SLC25A16: variants seen among roughly 807,000 people sequenced by gnomAD.
SLC25A16 encodes the protein mitochondrial coenzyme A transporter SLC25A16.
A neutral mutation model predicts 41.5 loss-of-function variants in SLC25A16; 39 were observed. The observed-to-expected ratio is 0.94, with a 90% CI of 0.73 to 1.23. The LOEUF is 1.23. SLC25A16 is among the 50% of genes most tolerant of loss of function. The probability of loss-of-function intolerance (pLI) is 0.00; values close to 1 mark genes in which losing one functional copy is unlikely to be tolerated. For synonymous variants in SLC25A16, 146 were observed against 147.8 expected, an observed-to-expected ratio of 0.99 and a Z score of 0.09; for missense variants, 421 against 426.9, an observed-to-expected ratio of 0.99 and a Z score of 0.12.
chr10:68,517,238 G>T (rs1373231750), intron 1 of SLC25A16: 4 of 988,948 alleles, frequency 4.0e-6, no homozygotes, highest in Admixed American at 6.1e-5. Context: ...CGATTGCCAG[G>T]TTCTGTTTGA....
chr10:68,518,815 TAAA>T (rs1564929146), intron 1 of SLC25A16, among the ~76,000 whole-genome samples: 14 of 148,752 alleles, frequency 9.4e-5, no homozygotes, highest in African/African-American at 3.0e-4. Context: ...ATAAATTAAA[TAAA>T]TAAATAAATA....
intron 6 of SLC25A16, 44 bp from the exon 7 acceptor site, chr10:68,488,673 T>C (rs2052605904): frequency 6.7e-7 from 1 of 1,491,900 alleles, no homozygotes; most frequent in Non-Finnish European, 9.2e-7. Context: ...TAACATAACA[T>C]GAGCTGTGAA....
At chr10:68,526,490 C>T (rs1000973503) in intron 1 of SLC25A16, among the ~76,000 whole-genome samples, 1 of 152,082 alleles carries the variant, frequency 6.6e-6, no homozygotes, top group Non-Finnish European at 1.5e-5. Flanking sequence ...CAGAGGCTGG[C>T]GGGATCCTCC....
intron 2 of SLC25A16, among the ~76,000 whole-genome samples, chr10:68,508,543 C>T (rs1474951800): frequency 2.0e-5 from 3 of 151,728 alleles, no homozygotes; most frequent in Non-Finnish European, 2.9e-5. Flanking sequence ...GAGAAACTCC[C>T]GTCTCTACTA....
At chr10:68,485,682 C>CT (rs1220298763) in intron 8 of SLC25A16, among the ~76,000 whole-genome samples, 3 of 151,682 alleles carry the variant, frequency 2.0e-5, no homozygotes, top group Non-Finnish European at 2.9e-5. Flanking sequence ...TGCGACAGGC[C>CT]TTTTTTGTTT....
chr10:68,505,248 C>A (rs949906327), intron 3 of SLC25A16, among the ~76,000 whole-genome samples: 1 of 151,978 alleles, frequency 6.6e-6, no homozygotes, highest in Non-Finnish European at 1.5e-5. Flanking sequence ...ACTCAGGAGG[C>A]TGAAGTGGGA....
chr10:68,506,792 AAAGATTAATGTGCC>A, intron 2 of SLC25A16, 74 bp from the exon 3 acceptor site: 1 of 854,400 alleles, frequency 1.2e-6, no homozygotes, highest in Non-Finnish European at 1.7e-6. Flanking sequence ...AATCACAGAT[AAAGATTAATGTGCC>A]ATCACTCAAG....
intron 4 of SLC25A16, among the ~76,000 whole-genome samples, chr10:68,494,636 G>A (rs2052719362): frequency 6.7e-6 from 1 of 149,502 alleles, no homozygotes; most frequent in South Asian, 2.2e-4. Context: ...CAACACTTTG[G>A]GAGGCTGAGG....
At chr10:68,495,781 C>CAAAAAAAAAAA (rs60845242) in intron 4 of SLC25A16, among the ~76,000 whole-genome samples, 3 of 89,600 alleles carry the variant, frequency 3.3e-5, no homozygotes, top group Non-Finnish European at 6.3e-5. Flanking sequence ...GACTATGTCT[C>CAAAAAAAAAAA]AAAAAAAAAA....
chr10:68,526,153 GA>G (rs1251499799), intron 1 of SLC25A16, among the ~76,000 whole-genome samples: 1 of 151,726 alleles, frequency 6.6e-6, no homozygotes, highest in African/African-American at 2.4e-5. Flanking sequence ...GAGACAAGAG[GA>G]AGGCATCTGT....
chr10:68,522,936 ATCAGGCCACTGCAC>A (rs1320891438), intron 1 of SLC25A16, among the ~76,000 whole-genome samples: 1 of 151,916 alleles, frequency 6.6e-6, no homozygotes, highest in Admixed American at 6.6e-5. Flanking sequence ...TGCAGTGATA[ATCAGGCCACTGCAC>A]TCCAGCCTAG....
chr10:68,521,545 CACA>C, intron 1 of SLC25A16, among the ~76,000 whole-genome samples: 1 of 148,218 alleles, frequency 6.7e-6, no homozygotes, highest in East Asian at 2.1e-4. Context: ...AAAAAATAAA[CACA>C]ACGAGGACTG....
At chr10:68,524,707 C>CA (rs1182825187) in intron 1 of SLC25A16, among the ~76,000 whole-genome samples, 2,924 of 68,196 alleles carry the variant, frequency 0.043, 139 homozygotes, top group African/African-American at 0.13. Flanking sequence ...GACTCCATCT[C>CA]AAAAAAAAAA....
intron 2 of SLC25A16, among the ~76,000 whole-genome samples, chr10:68,509,880 C>T (rs1006677347): frequency 1.3e-5 from 2 of 151,668 alleles, no homozygotes; most frequent in Non-Finnish European, 2.9e-5. Flanking sequence ...ATCACGAAGT[C>T]AGGAGTTCGA....
In SLC25A16 at chr10:68,520,395, C is replaced by T. The variant is rs2053230534; in HGVS notation, c.131-3552G>A. ...AGACAATCTGTAAATAAACAATTGA[C>T]CCGGGCACAATGGCTCATGCCTATA... On this transcript the variant is annotated intron_variant, in intron 1 of 8. Transcript: ENST00000609923. Among the ~76,000 whole-genome samples, 3 of 152,200 alleles carry T rather than the reference C, an allele frequency of 2.0e-5. No homozygotes were observed. In the South Asian group the frequency reaches 6.2e-4, roughly 32 times the overall value.
At chr10:68,483,878 A>G (rs900396234) in intron 8 of SLC25A16, among the ~76,000 whole-genome samples, 2 of 152,098 alleles carry the variant, frequency 1.3e-5, no homozygotes, top group African/African-American at 4.8e-5. Context: ...TGCCCAGGCC[A>G]GTCTCAAACT....
intron 8 of SLC25A16, among the ~76,000 whole-genome samples, chr10:68,484,812 C>T (rs187072359): frequency 4.6e-5 from 7 of 152,208 alleles, no homozygotes; most frequent in Admixed American, 4.6e-4. Flanking sequence ...TGCTCTTCCC[C>T]TGAGAGACAA....
At chr10:68,493,735 C>T (rs918856881) in intron 4 of SLC25A16, among the ~76,000 whole-genome samples, 165 bp from the exon 5 acceptor site, 1 of 152,048 alleles carries the variant, frequency 6.6e-6, no homozygotes, top group African/African-American at 2.4e-5. Flanking sequence ...GGAAAACAAC[C>T]TAGTAAGTGA....
chr10:68,478,623 CCTCG>C lies in SLC25A16; in HGVS notation c.*4805_*4808del, dbSNP rs1473645987. 2.0e-5 allele frequency: 3 copies of C among 151,950 alleles called. No individual in the cohort carries two copies. The highest frequency in any genetic ancestry group is 4.4e-5 in the Non-Finnish European group (3 of 68,000). 9.4% of individuals were successfully genotyped at this position (151,950 alleles called of 1,614,324 possible). ...CGAATGCCTAGGCTCAAGTGATCCTCCTCGCTCAGCCTCCCAAAGGGCTAGAATT... is the reference window on the plus strand; with the variant it reads ...CGAATGCCTAGGCTCAAGTGATCCTCCTCAGCCTCCCAAAGGGCTAGAATT... On this transcript the variant is annotated 3_prime_UTR_variant, in exon 9 of 9. Coordinates refer to ENST00000609923, the MANE Select transcript of SLC25A16 (RefSeq NM_152707.4).
Sources: allele counts gnomAD v4.1 joint callset (sites outside exome capture counted in the v4.1 genomes callset), GRCh38; gene constraint gnomAD v4.1.1; transcripts MANE v1.5; gene names NCBI Gene and HGNC (gene_info 2026-07-23, HGNC 2026-07-21).